Variants in NEO1 observed in about 807,000 individuals in gnomAD.
NEO1 encodes neogenin 1.
In NEO1, 63 loss-of-function variants were observed where a neutral mutation model predicts 159.7. That is an observed-to-expected ratio of 0.39 (90% confidence interval 0.32 to 0.49). NEO1 has a LOEUF of 0.49. Among genes scored for constraint, NEO1 ranks in the 20% least tolerant of loss-of-function variants. The probability of loss-of-function intolerance (pLI) is 0.85; values close to 1 mark genes in which losing one functional copy is unlikely to be tolerated. For synonymous variants in NEO1, 633 were observed against 662.0 expected (o/e 0.96, Z 0.67); for missense variants, 1,615 against 1,831.0 (o/e 0.88, Z 2.15).
intron 28 of NEO1, 193 bp downstream of exon 28, chr15:73,301,650 G>C (rs2151193343): frequency 1.4e-6 from 1 of 697,728 alleles, no homozygotes; most frequent in South Asian, 2.1e-5. Context: ...AGGACTTGGT[G>C]TGCTTTCTTT....
chr15:73,089,024 G>A (rs1358058833), intron 1 of NEO1, among the ~76,000 whole-genome samples: 1 of 152,106 alleles, frequency 6.6e-6, no homozygotes, highest in African/African-American at 2.4e-5. Flanking sequence ...TTGCAGTTCT[G>A]AGAATGAAAA....
At chr15:73,276,346 G>A (rs1478904812) in intron 21 of NEO1, among the ~76,000 whole-genome samples, 2 of 152,188 alleles carry the variant, frequency 1.3e-5, no homozygotes, top group Non-Finnish European at 2.9e-5. Context: ...CCAATGCTCT[G>A]GATAGTTTGG....
intron 1 of NEO1, among the ~76,000 whole-genome samples, chr15:73,067,868 G>C (rs760403983): frequency 6.6e-6 from 1 of 151,916 alleles, no homozygotes; most frequent in Admixed American, 6.6e-5. Flanking sequence ...CACCTGTTTC[G>C]GCCTCCCAAA....
At chr15:73,241,916 T>C (rs1052376598) in intron 8 of NEO1, among the ~76,000 whole-genome samples, 2 of 152,184 alleles carry the variant, frequency 1.3e-5, no homozygotes, top group African/African-American at 4.8e-5. Flanking sequence ...CCCTTTCACA[T>C]AGAAGCAAAC....
intron 5 of NEO1, among the ~76,000 whole-genome samples, chr15:73,171,881 A>G (rs1382752651): frequency 6.6e-6 from 1 of 151,906 alleles, no homozygotes; most frequent in Non-Finnish European, 1.5e-5. Context: ...ACCTCAGGTG[A>G]TCACCTGCCT....
chr15:73,097,890 C>A (rs1304822038), intron 1 of NEO1, among the ~76,000 whole-genome samples: 2 of 145,724 alleles, frequency 1.4e-5, no homozygotes, highest in Non-Finnish European at 3.0e-5. Flanking sequence ...CATTACTAGG[C>A]CTTTTAAGTG....
chr15:73,176,577 G>A lies in NEO1; in HGVS notation c.1170+20G>A. 6.9e-6 allele frequency: 11 copies of A among 1,587,378 alleles called. No homozygotes were observed. The highest frequency in any genetic ancestry group is 1.3e-5 in the African/African-American group (1 of 74,208). ...ATTGTAGTAAGTATTTTTCAAAGAA[G>A]TGTGTTTATTTCTGTAACCTTTAGA... On this transcript the variant is annotated intron_variant, in intron 6 of 28. Transcript: ENST00000261908.
At chr15:73,250,250 A>G (rs1229242718) in intron 11 of NEO1, among the ~76,000 whole-genome samples, 2 of 152,086 alleles carry the variant, frequency 1.3e-5, no homozygotes, top group African/African-American at 4.8e-5. Context: ...CAGCTTGCCA[A>G]AGAGATTAAG....
chr15:73,256,150 T>G (rs1028572625), intron 13 of NEO1: 1 of 152,224 alleles, frequency 6.6e-6, no homozygotes, highest in Admixed American at 6.5e-5. Flanking sequence ...TCACCCACTT[T>G]CCTGTGACCC....
At chr15:73,249,763 C>G in intron 11 of NEO1, 42 bp downstream of exon 11, 2 of 1,565,494 alleles carry the variant, frequency 1.3e-6, no homozygotes, top group Non-Finnish European at 1.7e-6. Context: ...ACACTTGGTG[C>G]CCCTAGTGGT....
chr15:73,139,178 T>G (rs1186574353), intron 5 of NEO1, among the ~76,000 whole-genome samples: 1 of 151,984 alleles, frequency 6.6e-6, no homozygotes, highest in Non-Finnish European at 1.5e-5. Context: ...CAACCCAAAA[T>G]GGATTAAACA....
intron 7 of NEO1, among the ~76,000 whole-genome samples, chr15:73,197,009 T>C (rs1412090712): frequency 6.6e-6 from 1 of 152,196 alleles, no homozygotes. Flanking sequence ...GTTCTTAAAA[T>C]TCATTAAACG....
chr15:73,256,986 G>A (rs1037318674), intron 13 of NEO1, among the ~76,000 whole-genome samples: 2 of 151,184 alleles, frequency 1.3e-5, no homozygotes, highest in Admixed American at 6.6e-5. Context: ...ATAAAAATTA[G>A]CCAGGTGTGG....
Position 73,298,434 on chromosome 15 carries a change from G to A in NEO1, c.3988G>A (p.Ala1330Thr). The change falls in exon 27 of 29, where the codon GCT becomes ACT. Residue 1330 changes from alanine (A) to threonine (T), a missense_variant. Transcript: ENST00000261908. ...CACTGATCACCAGGACCCTGAAGGT[G>A]CTACCAGCTCCTCTTACTTGGCCAG... ...CCTDHQDPEG[A>T]TSSSYLASSQ... 1.2e-6 allele frequency: 2 copies of A among 1,614,206 alleles called. No homozygotes were observed. The highest frequency in any genetic ancestry group is 1.1e-5 in the South Asian group (1 of 91,086).
At chr15:73,108,625 C>T (rs1258346128) in intron 1 of NEO1, among the ~76,000 whole-genome samples, 1 of 152,154 alleles carries the variant, frequency 6.6e-6, no homozygotes, top group Non-Finnish European at 1.5e-5. Flanking sequence ...ATAGTCTAGC[C>T]TGCTCATGGG....
intron 16 of NEO1, among the ~76,000 whole-genome samples, chr15:73,269,190 A>G (rs902046140): frequency 3.9e-5 from 6 of 152,144 alleles, no homozygotes; most frequent in Non-Finnish European, 1.5e-5. Flanking sequence ...TTCAAGACTC[A>G]GGTTTGAGTG....
At chr15:73,095,030 GAAACC>G (rs1169068358) in intron 1 of NEO1, among the ~76,000 whole-genome samples, 1 of 152,120 alleles carries the variant, frequency 6.6e-6, no homozygotes, top group Non-Finnish European at 1.5e-5. Context: ...CCAACATGGT[GAAACC>G]CCGTCTCTAC....
intron 7 of NEO1, among the ~76,000 whole-genome samples, chr15:73,188,431 T>C (rs2036055922): frequency 6.6e-6 from 1 of 152,212 alleles, no homozygotes; most frequent in Admixed American, 6.5e-5. Flanking sequence ...CCTGATATCA[T>C]TACAGGGGTT....
intron 7 of NEO1, among the ~76,000 whole-genome samples, chr15:73,230,055 G>A (rs954532480): frequency 1.3e-5 from 2 of 152,004 alleles, no homozygotes; most frequent in Admixed American, 1.3e-4. Flanking sequence ...AATACTGAAC[G>A]CACAGGAATG....
Sources: allele counts gnomAD v4.1 joint callset (sites outside exome capture counted in the v4.1 genomes callset), GRCh38; gene constraint gnomAD v4.1.1; transcripts MANE v1.5; gene names NCBI Gene and HGNC (gene_info 2026-07-23, HGNC 2026-07-21).